GTF3C3: variants seen among roughly 807,000 people sequenced by gnomAD.
The protein encoded by GTF3C3 is general transcription factor 3C polypeptide 3.
A neutral mutation model predicts 105.2 loss-of-function variants in GTF3C3; 75 were observed. The observed-to-expected ratio is 0.71, with a 90% CI of 0.59 to 0.86. The LOEUF (loss-of-function observed/expected upper bound fraction) is 0.86, where lower values mean the gene tolerates loss of function less well. Ranked by LOEUF, GTF3C3 falls within the 40% of genes least tolerant of loss-of-function variation. The pLI, the probability that GTF3C3 is intolerant of heterozygous loss-of-function variation, is 0.00. For synonymous variants in GTF3C3, 335 were observed against 370.4 expected, an observed-to-expected ratio of 0.90 and a Z score of 1.10; for missense variants, 856 against 1,076.5, an observed-to-expected ratio of 0.80 and a Z score of 2.87.
intron 17 of GTF3C3, among the ~76,000 whole-genome samples, chr2:196,766,004 T>TGTC (rs1576013660): frequency 9.9e-6 from 1 of 100,588 alleles, no homozygotes; most frequent in Non-Finnish European, 2.0e-5. Context: ...AGCAAGACTC[T>TGTC]GTCTCCAAAA....
Position 196,789,356 on chromosome 2 carries a change from T to A in GTF3C3, c.741A>T (p.Glu247Asp). The change falls in exon 6 of 18, where the codon GAA (glutamate) becomes GAT (aspartate). Residue 247 changes from glutamate (E) to aspartate (D), a missense_variant. This residue lies in a region of GTF3C3 where 605 missense variants were observed against 833.6 expected (regional missense o/e 0.73). Coordinates refer to ENST00000263956, the MANE Select transcript of GTF3C3 (RefSeq NM_012086.5). ...IFCYTKALKY[E>D]PTNVRYLWER... ...CCCACAGATAACGGACATTAGTAGG[T>A]TCATATTTAAGAGCTAAAAAGAAAG... The A allele has an allele frequency of 1.9e-6, 3 of 1,596,226 alleles. No individual in the cohort carries two copies. Among genetic ancestry groups the A allele is most frequent in the Non-Finnish European group, 2.6e-6 (3 of 1,173,330 alleles).
chr2:196,784,894 T>C lies in GTF3C3; in HGVS notation c.1077A>G (p.Lys359=). ...CTGAGGTGCCTTCTTCTGAAGTTTT[T>C]TTTTCCAGCACAATTCCAGAAAAAT... is the stretch of plus-strand genomic sequence containing the variant. The part of the protein sequence containing the change: ...ITDFSGIVLE[K]KTSEEGTSEE... The change falls in exon 8 of 18, where the codon AAA becomes AAG. Residue 359 remains lysine, a synonymous_variant. Coordinates refer to ENST00000263956, the MANE Select transcript of GTF3C3 (RefSeq NM_012086.5). The C allele has an allele frequency of 6.2e-7, 1 of 1,611,140 alleles. No individual in the cohort carries two copies. The highest frequency in any genetic ancestry group is 1.7e-4 in the Middle Eastern group (1 of 6,038).
rs781780948 is a variant in GTF3C3 at position 196,793,014 on chromosome 2, G to A, written c.353C>T (p.Ala118Val). Residue 118 changes from alanine (A) to valine (V), a missense_variant, in exon 3 of 18, where the codon GCG becomes GTG. Ala to Val is a moderately conservative substitution (Grantham distance 64). This residue lies in a region of GTF3C3 where 605 missense variants were observed against 833.6 expected (regional missense o/e 0.73). Transcript: ENST00000263956. ...EEEETPEQPTAGDVFVLEMVL... is the reference protein window; with the variant it reads ...EEEETPEQPTVGDVFVLEMVL... ...CATCTCCAATACAAATACATCGCCCGCAGTGGGTTGCTCAGGTGTTTCTTC... is the reference window on the plus strand; with the variant it reads ...CATCTCCAATACAAATACATCGCCCACAGTGGGTTGCTCAGGTGTTTCTTC... 5.1e-5 allele frequency: 82 copies of A among 1,613,600 alleles called. 1 individual carries two copies. Among genetic ancestry groups the A allele is most frequent in the East Asian group, 1.1e-4 (5 of 44,884 alleles).
rs1222600767 is a variant in GTF3C3 at position 196,778,960 on chromosome 2, G to A, written c.1326C>T (p.Pro442=). 1 of 1,613,682 alleles carries A rather than the reference G, an allele frequency of 6.2e-7. No homozygotes were observed. The highest frequency in any genetic ancestry group is 8.5e-7 in the Non-Finnish European group (1 of 1,179,770). Residue 442 remains proline (P), a synonymous_variant, in exon 10 of 18, where the codon CCC becomes CCT. Transcript: ENST00000263956. The stretch of plus-strand genomic sequence containing the variant: ...CAGAGCAAACAAGAGCACTGAGGAG[G>A]GGAAGTGCAGAATTATATTCACCAA... ...LDVGEYNSAL[P]LLSALVCSER...
chr2:196,765,217 TTA>T (rs1325202798), intron 17 of GTF3C3, among the ~76,000 whole-genome samples: 1 of 152,176 alleles, frequency 6.6e-6, no homozygotes, highest in Non-Finnish European at 1.5e-5. Context: ...CTCAGGGGTA[TTA>T]TAGTTTTTCC....
intron 8 of GTF3C3, among the ~76,000 whole-genome samples, chr2:196,781,389 A>ATATATATATATAT (rs1699359447): frequency 1.9e-5 from 1 of 53,662 alleles, no homozygotes; most frequent in Non-Finnish European, 4.5e-5. Flanking sequence ...TATATATATA[A>ATATATATATATAT]AATTAAATAA....
chr2:196,795,452 T>C (rs1699626633), intron 2 of GTF3C3, among the ~76,000 whole-genome samples: 2 of 152,198 alleles, frequency 1.3e-5, no homozygotes, highest in Admixed American at 1.3e-4. Context: ...TAAATATTAT[T>C]TTGAAGTCAT....
intron 1 of GTF3C3, among the ~76,000 whole-genome samples, chr2:196,798,581 T>C (rs903495052): frequency 2.7e-5 from 4 of 150,942 alleles, no homozygotes; most frequent in Non-Finnish European, 4.4e-5. Flanking sequence ...GCATGAATTA[T>C]TAAAGAATCT....
In GTF3C3 at chr2:196,793,129, T is replaced by C. The variant is rs756036634; in HGVS notation, c.238A>G (p.Lys80Glu). 4 of 1,611,952 alleles carry C rather than the reference T, an allele frequency of 2.5e-6. No homozygotes were observed. The South Asian group carries it at 4.4e-5, about 18-fold the overall frequency. The change falls in exon 3 of 18, where the codon AAG becomes GAG. Residue 80 changes from lysine to glutamate, a missense_variant. By Grantham distance (56) the Lys-to-Glu change is moderately conservative (BLOSUM62 1). Coordinates refer to ENST00000263956, the MANE Select transcript of GTF3C3 (RefSeq NM_012086.5). ...GAAGCAAAGACCTTGTGAACTGACT[T>C]CCTCACTCCATCTGATGTTTCTCCT... is the stretch of plus-strand genomic sequence containing the variant. The part of the protein sequence containing the change: ...NEGETSDGVR[K>E]SVHKVFASML...
rs201098851 is a variant in GTF3C3 at position 196,782,624 on chromosome 2, C to CA, written c.1115-1963dup. ...CAAAGGTATAGCAGGCAGGTGCAAA[C>CA]AAAAAAAAAAAATAGGTGTCACAAT... On this transcript the variant is annotated intron_variant, in intron 8 of 17. Transcript: ENST00000263956. Among the ~76,000 whole-genome samples the CA allele has an allele frequency of 9.0e-3, 1,173 of 130,164 alleles. 12 individuals carry two copies. Among genetic ancestry groups the CA allele is most frequent in the African/African-American group, 0.03 (1,049 of 35,398 alleles). 85.4% of individuals were successfully genotyped at this position (130,164 alleles called of 152,430 possible).
intron 13 of GTF3C3, among the ~76,000 whole-genome samples, chr2:196,774,284 G>C (rs1576020689): frequency 1.3e-5 from 2 of 152,120 alleles, no homozygotes; most frequent in Admixed American, 1.3e-4. Context: ...ACTGCCAAAA[G>C]TGACCATATG....
intron 8 of GTF3C3, among the ~76,000 whole-genome samples, chr2:196,783,854 TATC>T (rs1699410386): frequency 6.6e-6 from 1 of 152,160 alleles, no homozygotes; most frequent in Non-Finnish European, 1.5e-5. Context: ...GAGCAGGAAA[TATC>T]ATACTCATCT....
chr2:196,784,084 T>C (rs1235918346), intron 8 of GTF3C3, among the ~76,000 whole-genome samples: 1 of 152,128 alleles, frequency 6.6e-6, no homozygotes, highest in Non-Finnish European at 1.5e-5. Flanking sequence ...TGAATAATGA[T>C]GCCTTAGCCC....
chr2:196,779,218 G>C, intron 9 of GTF3C3, 151 bp from the exon 10 acceptor site: 3 of 628,976 alleles, frequency 4.8e-6, no homozygotes, highest in Non-Finnish European at 8.2e-6. Context: ...ACCTCTGCTT[G>C]CTGGGTTCAA....
chr2:196,766,824 T>C, intron 16 of GTF3C3, 107 bp from the exon 17 acceptor site: 2 of 774,374 alleles, frequency 2.6e-6, no homozygotes, highest in Non-Finnish European at 4.1e-6. Flanking sequence ...TAAAAACCTA[T>C]CTATCTGCTT....
chr2:196,765,596 TATAA>T (rs1014169819), intron 17 of GTF3C3, among the ~76,000 whole-genome samples: 3 of 149,948 alleles, frequency 2.0e-5, no homozygotes, highest in East Asian at 3.9e-4. Flanking sequence ...CATATGCATA[TATAA>T]ATAATATGTA....
Position 196,776,010 on chromosome 2 carries a change from C to A in GTF3C3, c.1695G>T (p.Lys565Asn). The A allele has an allele frequency of 6.7e-7, 1 of 1,484,386 alleles. No homozygotes were observed. Among genetic ancestry groups the A allele is most frequent in the South Asian group, 1.2e-5 (1 of 81,006 alleles). The allele number at this position is 1,484,386 out of a possible 1,614,324, so 92.0% of individuals were successfully genotyped here. A position where few individuals can be genotyped will look rare whatever the true frequency, so the allele number is the denominator to read the frequency against. ...TLLTMLAMLL[K>N]VAMNRAQVCL... ...AACATAAAGAAAGATCATTACCCACCTTTAAAAGCATGGCTAACATAGTAA... is the reference window on the plus strand; with the variant it reads ...AACATAAAGAAAGATCATTACCCACATTTAAAAGCATGGCTAACATAGTAA... Residue 565 changes from lysine to asparagine, a missense_variant and splice_region_variant, in exon 12 of 18, where the codon AAG (lysine) becomes AAT (asparagine). Transcript: ENST00000263956. The surrounding 1 kb of genome is among the most constrained non-coding windows in gnomAD (Gnocchi z 4.5).
chr2:196,780,566 G>A lies in GTF3C3; in HGVS notation c.1211C>T (p.Pro404Leu), dbSNP rs1699332002. The A allele has an allele frequency of 1.2e-6, 2 of 1,612,598 alleles. No individual in the cohort carries two copies. Among genetic ancestry groups the A allele is most frequent in the South Asian group, 2.2e-5 (2 of 90,938 alleles). ...GCAGATCTTGTTACATACATTAAGT[G>A]GTTCAAGAATGTTGAGATGTACAAG... is the stretch of plus-strand genomic sequence containing the variant. ...VCLVHLNILE[P>L]LNPLLTTLVE... Residue 404 changes from proline to leucine, a missense_variant, in exon 9 of 18, where the codon CCA becomes CTA. Coordinates refer to ENST00000263956, the MANE Select transcript of GTF3C3 (RefSeq NM_012086.5).
intron 16 of GTF3C3, among the ~76,000 whole-genome samples, chr2:196,769,040 A>T (rs894937183): frequency 1.3e-5 from 2 of 152,198 alleles, no homozygotes; most frequent in Non-Finnish European, 2.9e-5. Context: ...AGAAGCTTTG[A>T]GGAAAAGGTA....
Sources: gnomAD v4.1 joint callset for allele counts (sites outside exome capture counted in the v4.1 genomes callset) on GRCh38, gnomAD v4.1.1 for gene constraint, gnomAD v4.1.1 regional missense constraint, Gnocchi (gnomAD v3.1) non-coding constraint, MANE v1.5 for transcripts, NCBI Gene and HGNC (gene_info 2026-07-23, HGNC 2026-07-21) for gene names.